USP36: variants seen among roughly 807,000 people sequenced by gnomAD.
USP36 encodes the protein ubiquitin carboxyl-terminal hydrolase 36.
A neutral mutation model predicts 111.5 loss-of-function variants in USP36; 59 were observed. The ratio of observed to expected loss-of-function variants is 0.53; its 90% confidence interval spans 0.43 to 0.66. The LOEUF is 0.66. Ranked by LOEUF, USP36 falls within the 30% of genes least tolerant of loss-of-function variation. The pLI is 0.00. For missense variants in USP36, 1,488 were observed against 1,468.0 expected (o/e 1.01, Z -0.22); for synonymous variants, 628 against 581.0 (o/e 1.08, Z -1.16).
chr17:78,821,390 ATATAT>A, intron 7 of USP36: 1 of 28,802 alleles, frequency 3.5e-5, no homozygotes, highest in African/African-American at 1.5e-4. Flanking sequence ...TAATGAGAAT[ATATAT>A]ATATATATAT....
intron 1 of USP36, among the ~76,000 whole-genome samples, chr17:78,839,767 G>A (rs1361995561): frequency 1.3e-5 from 2 of 152,100 alleles, no homozygotes; most frequent in Non-Finnish European, 1.5e-5. Flanking sequence ...TGACGTGTAG[G>A]AGCCCGAGAC....
intron 4 of USP36, among the ~76,000 whole-genome samples, chr17:78,829,597 T>C (rs966953592): frequency 8.5e-5 from 13 of 152,184 alleles, no homozygotes; most frequent in African/African-American, 2.4e-4. Context: ...TGCTCCTGTA[T>C]TGTAGAGGAG....
chr17:78,803,865 C>G lies in USP36; in HGVS notation c.2330G>C (p.Cys777Ser). The G allele has an allele frequency of 6.2e-7, 1 of 1,611,290 alleles. No homozygotes were observed. Among genetic ancestry groups the G allele is most frequent in the South Asian group, 1.1e-5 (1 of 91,036 alleles). The change falls in exon 16 of 21, where the codon TGC becomes TCC. Residue 777 changes from cysteine to serine, a missense_variant. Transcript: ENST00000449938. This position sits in a 1 kb window ranked among gnomAD's most constrained non-coding sequence, Gnocchi z 4.6. ...AGGCAGCGCCGTCGAGATGGAGGAG[C>G]AGCTCCGTGGTTCTGACGTCCCTGG... ...KPPGTSEPRS[C>S]SSISTALPQV... is the part of the protein sequence containing the mutation.
Position 78,798,957 on chromosome 17 carries a change from C to T in USP36, c.3191G>A (p.Arg1064Gln), listed in dbSNP as rs34458438. The change falls in exon 19 of 21, where the codon CGG (arginine) becomes CAG (glutamine). Residue 1064 changes from arginine to glutamine, a missense_variant. By Grantham distance (43) the Arg-to-Gln change is conservative. Around this residue, in one of 3 missense-constraint regions of USP36, gnomAD observed 1,073 missense variants for 994.1 expected, o/e 1.08. Coordinates refer to ENST00000449938, the MANE Select transcript of USP36 (RefSeq NM_001385174.1). This position sits in a 1 kb window ranked among gnomAD's most constrained non-coding sequence, Gnocchi z 5.1. ...CCAGTCATCAACCACGGTCTCAGTCCGGGCCTGTCTGCTGTCTTCAATAGC... is the reference window on the plus strand; with the variant it reads ...CCAGTCATCAACCACGGTCTCAGTCTGGGCCTGTCTGCTGTCTTCAATAGC... ...QDAIEDSRQARTETVVDDWDE... is the reference protein window; with the variant it reads ...QDAIEDSRQAQTETVVDDWDE... The T allele has an allele frequency of 1.0e-3, 1,622 of 1,614,158 alleles. 21 individuals carry two copies. In the African/African-American group the frequency reaches 0.018, roughly 18 times the overall value.
intron 16 of USP36, 114 bp from the exon 17 acceptor site, chr17:78,802,649 C>T: frequency 1.0e-6 from 1 of 1,003,954 alleles, no homozygotes; most frequent in Non-Finnish European, 1.4e-6. Context: ...TGACCCAGTG[C>T]ACGCAGGTCC....
At chr17:78,818,960 AC>A in intron 9 of USP36, 182 bp from the exon 10 acceptor site, 1 of 568,518 alleles carries the variant, frequency 1.8e-6, no homozygotes, top group Non-Finnish European at 3.1e-6. Context: ...AAGGAAAGCT[AC>A]CACAGGGAAA....
intron 18 of USP36, among the ~76,000 whole-genome samples, 195 bp from the exon 19 acceptor site, chr17:78,799,218 G>C (rs1442998181): frequency 6.6e-6 from 1 of 152,208 alleles, no homozygotes; most frequent in Non-Finnish European, 1.5e-5. Flanking sequence ...AACCCCCAGC[G>C]ATGCCCTCTT....
intron 13 of USP36, among the ~76,000 whole-genome samples, chr17:78,812,418 G>A (rs760057760): frequency 2.0e-5 from 3 of 151,950 alleles, no homozygotes; most frequent in Non-Finnish European, 4.4e-5. Context: ...GGCCGGGCGC[G>A]GTGGCTCATG....
intron 6 of USP36, among the ~76,000 whole-genome samples, chr17:78,822,651 C>A (rs1277493732): frequency 1.3e-5 from 2 of 152,236 alleles, no homozygotes; most frequent in Non-Finnish European, 2.9e-5. Flanking sequence ...TCTTCTCACC[C>A]GGACCCGGGG....
chr17:78,802,959 T>C (rs528331338), intron 16 of USP36, among the ~76,000 whole-genome samples: 1 of 152,040 alleles, frequency 6.6e-6, no homozygotes, highest in African/African-American at 2.4e-5. Context: ...TCTTTTTTTT[T>C]AGACAGGGTT....
intron 17 of USP36, 31 bp from the exon 18 acceptor site, chr17:78,799,799 AGAC>A: frequency 1.3e-6 from 2 of 1,555,790 alleles, no homozygotes; most frequent in South Asian, 2.4e-5. Context: ...AAACATTTAC[AGAC>A]GTTTAAAATA....
downstream of USP36, among the ~76,000 whole-genome samples, chr17:78,792,730 T>C (rs751727033): frequency 6.6e-5 from 10 of 151,938 alleles, no homozygotes; most frequent in Non-Finnish European, 1.3e-4. Context: ...TTGTTGTCGT[T>C]GTTTTTGAGA....
Position 78,807,387 on chromosome 17 carries a change from G to T in USP36, c.1657C>A (p.Leu553Met). The T allele has an allele frequency of 6.2e-7, 1 of 1,614,214 alleles. No individual in the cohort carries two copies. Among genetic ancestry groups the T allele is most frequent in the Non-Finnish European group, 8.5e-7 (1 of 1,180,038 alleles). The change falls in exon 14 of 21, where the codon CTG becomes ATG. Residue 553 changes from leucine to methionine, a missense_variant. Physicochemically the swap from Leu to Met is conservative, Grantham distance 15 (BLOSUM62 2). Around this residue, in one of 3 missense-constraint regions of USP36, gnomAD observed 1,073 missense variants for 994.1 expected, o/e 1.08. Coordinates refer to ENST00000449938, the MANE Select transcript of USP36 (RefSeq NM_001385174.1). ...QHFSPRTAQGLPGTSNSNSSR... is the reference protein window; with the variant it reads ...QHFSPRTAQGMPGTSNSNSSR... ...CTATTCGAGTTGCTGGTCCCAGGCA[G>T]CCCCTGAGCAGTTCTGGGGGAAAAG...
rs367725029 is a variant in USP36 at position 78,802,539 on chromosome 17, C to T, written c.2811-4G>A. ...ACCATCACCCATGGGAGAGCAGCTG[C>T]TTGGAAGTGAGAGGCAGCAGTCAGC... is the stretch of plus-strand genomic sequence containing the variant. On this transcript the variant is annotated splice_region_variant and splice_polypyrimidine_tract_variant and intron_variant, in intron 16 of 20. Coordinates refer to ENST00000449938, the MANE Select transcript of USP36 (RefSeq NM_001385174.1). The T allele has an allele frequency of 5.6e-6, 9 of 1,602,324 alleles. No homozygotes were observed. The highest frequency in any genetic ancestry group is 6.8e-6 in the Non-Finnish European group (8 of 1,179,246).
intron 6 of USP36, among the ~76,000 whole-genome samples, chr17:78,825,651 C>T (rs907554534): frequency 2.0e-5 from 3 of 152,204 alleles, no homozygotes; most frequent in African/African-American, 7.2e-5. Context: ...CATTCTACCT[C>T]CCATCCTACT....
At position 78,807,476 on chromosome 17, in the gene USP36, G is replaced by A. The variant is rs930473205; in HGVS notation, c.1568C>T (p.Thr523Ile). The A allele has an allele frequency of 6.2e-7, 1 of 1,614,120 alleles. No individual in the cohort carries two copies. The highest frequency in any genetic ancestry group is 1.7e-5 in the Admixed American group (1 of 60,016). ...SPSPKLSQTP[T>I]HMPTILDDPG... is the part of the protein sequence containing the mutation. ...GTCGTCTAGGATGGTTGGCATGTGTGTGGGTGTCTGGGAGAGTTTGGGGGA... is the reference window on the plus strand; with the variant it reads ...GTCGTCTAGGATGGTTGGCATGTGTATGGGTGTCTGGGAGAGTTTGGGGGA... The change falls in exon 14 of 21, where the codon ACA (threonine) becomes ATA (isoleucine). Residue 523 changes from threonine (T) to isoleucine (I), a missense_variant. Physicochemically the swap from Thr to Ile is moderately conservative, Grantham distance 89. Around this residue, in one of 3 missense-constraint regions of USP36, gnomAD observed 1,073 missense variants for 994.1 expected, o/e 1.08. Transcript: ENST00000449938.
In USP36 at chr17:78,820,827, A is replaced by G. The variant is rs534082774; in HGVS notation, c.828+164T>C. Among the ~76,000 whole-genome samples, 7 of 152,294 alleles carry G rather than the reference A, an allele frequency of 4.6e-5. No individual in the cohort carries two copies. The East Asian group carries it at 1.3e-3, about 29-fold the overall frequency. On this transcript the variant is annotated intron_variant, in intron 8 of 20. Coordinates refer to ENST00000449938, the MANE Select transcript of USP36 (RefSeq NM_001385174.1). ...AGGATACGCTTAGGAAAAACTCTAG[A>G]AAAAAACAGGTAAAGACAATGGTCT...
Position 78,813,888 on chromosome 17 carries a change from G to A in USP36, c.1165-15C>T, listed in dbSNP as rs2094124546. 2 of 1,609,850 alleles carry A rather than the reference G, an allele frequency of 1.2e-6. No homozygotes were observed. The highest frequency in any genetic ancestry group is 1.7e-5 in the Admixed American group (1 of 59,350). On this transcript the variant is annotated splice_polypyrimidine_tract_variant and intron_variant, in intron 11 of 20. Coordinates refer to ENST00000449938, the MANE Select transcript of USP36 (RefSeq NM_001385174.1). The stretch of plus-strand genomic sequence containing the variant: ...CCATTGCTTGCCTGAAGCAGCCAAG[G>A]ATGTTGCAGAAAACAAAACAATCAA...
chr17:78,835,488 C>T lies in USP36; in HGVS notation c.267G>A (p.Thr89=), dbSNP rs150802920. 1,797 of 1,603,178 alleles carry T rather than the reference C, an allele frequency of 1.1e-3. 22 individuals carry two copies. The South Asian group carries it at 0.016, about 14-fold the overall frequency. Reference sequence around the variant, plus strand: ...GGACTCCGTCACCACAGCTCTCATACGTGTGCTCACTGCCTGAGGAAGAAA... The same window carrying T: ...GGACTCCGTCACCACAGCTCTCATATGTGTGCTCACTGCCTGAGGAAGAAA... ...PPARRQGSEH[T]YESCGDGVPA... The change falls in exon 4 of 21, where the codon ACG becomes ACA. Residue 89 remains threonine, a synonymous_variant. Coordinates refer to ENST00000449938, the MANE Select transcript of USP36 (RefSeq NM_001385174.1).
Sources: allele counts gnomAD v4.1 joint callset (sites outside exome capture counted in the v4.1 genomes callset), GRCh38; gene constraint gnomAD v4.1.1; regional missense constraint gnomAD v4.1.1; non-coding constraint Gnocchi (gnomAD v3.1); transcripts MANE v1.5; gene names NCBI Gene and HGNC (gene_info 2026-07-23, HGNC 2026-07-21).